Variants in CDH13 observed in about 807,000 individuals in gnomAD.
CDH13 encodes the protein cadherin-13.
CDH13 carries 24 observed loss-of-function variants against 63.8 expected under a neutral mutation model. The observed-to-expected ratio is 0.38, with a 90% confidence interval of 0.27 to 0.53. The LOEUF (loss-of-function observed/expected upper bound fraction) is 0.53, where lower values mean the gene tolerates loss of function less well. CDH13 is among the 20% of genes least tolerant of loss of function. The pLI, the probability that CDH13 is intolerant of heterozygous loss-of-function variation, is 0.85. For synonymous variants in CDH13, 503 were observed against 355.3 expected (o/e 1.42, Z -4.67); for missense variants, 1,049 against 903.1 (o/e 1.16, Z -2.07).
chr16:82,711,153 G>A (rs113024545), intron 1 of CDH13, among the ~76,000 whole-genome samples: 48 of 152,102 alleles, frequency 3.2e-4, no homozygotes, highest in Admixed American at 8.5e-4. Flanking sequence ...TGAAAGGGCC[G>A]CGTGGCAGTG....
rs554723516 is a variant in CDH13, at chr16:83,598,760, C to G, written c.961-3694C>G. ...ACAACAACAACAACAAACTCCATCT[C>G]TACCTCTTAGTCTGTGTTTCCTTCA... On this transcript the variant is annotated intron_variant, in intron 7 of 13. Transcript: ENST00000567109. Among the ~76,000 whole-genome samples, 8 of 152,308 alleles carry G rather than the reference C, an allele frequency of 5.3e-5. No individual in the cohort carries two copies. In the South Asian group the frequency reaches 1.0e-3, roughly 20 times the overall value.
chr16:82,978,515 C>T (rs527321661), intron 2 of CDH13, among the ~76,000 whole-genome samples: 2 of 152,222 alleles, frequency 1.3e-5, no homozygotes, highest in Non-Finnish European at 2.9e-5. Flanking sequence ...AACTTGGTGC[C>T]CTGTGTCCCA....
At chr16:83,173,777 C>T (rs970124684) in intron 4 of CDH13, among the ~76,000 whole-genome samples, 1 of 152,076 alleles carries the variant, frequency 6.6e-6, no homozygotes, top group Admixed American at 6.6e-5. Context: ...CAAACATAAA[C>T]CTGCCCAAAC....
At chr16:83,118,339 G>A (rs2035406202) in intron 3 of CDH13, among the ~76,000 whole-genome samples, 1 of 152,210 alleles carries the variant, frequency 6.6e-6, no homozygotes. Flanking sequence ...ATGCATGTCT[G>A]TTGCATGTAC....
chr16:83,332,273 GT>G (rs1292698142), intron 5 of CDH13, among the ~76,000 whole-genome samples: 2 of 151,940 alleles, frequency 1.3e-5, no homozygotes, highest in African/African-American at 4.8e-5. Context: ...AGCTCTAATG[GT>G]GGCTTAGAAG....
chr16:83,466,131 C>T (rs1368334107), intron 6 of CDH13, among the ~76,000 whole-genome samples: 1 of 152,218 alleles, frequency 6.6e-6, no homozygotes, highest in Non-Finnish European at 1.5e-5. Flanking sequence ...TTCCCCAAGA[C>T]CCATCACCCG....
intron 4 of CDH13, among the ~76,000 whole-genome samples, chr16:83,140,680 C>G (rs986747488): frequency 1.4e-4 from 21 of 152,152 alleles, no homozygotes; most frequent in African/African-American, 4.8e-4. Context: ...GTCTCGAACT[C>G]CTGACCTCAG....
intron 8 of CDH13, among the ~76,000 whole-genome samples, chr16:83,625,171 C>CATGTGT (rs921329095): frequency 1.4e-4 from 21 of 150,882 alleles, no homozygotes; most frequent in Admixed American, 3.3e-4. Flanking sequence ...TGTGTGTGCT[C>CATGTGT]ATGTGTGTGT....
chr16:82,975,330 T>A (rs1453885962), intron 2 of CDH13, among the ~76,000 whole-genome samples: 1 of 152,160 alleles, frequency 6.6e-6, no homozygotes, highest in Non-Finnish European at 1.5e-5. Context: ...CAGGGCTGTG[T>A]GGACTCCATG....
At chr16:83,051,658 A>C (rs775769257) in intron 3 of CDH13, among the ~76,000 whole-genome samples, 6 of 152,352 alleles carry the variant, frequency 3.9e-5, no homozygotes, top group South Asian at 2.1e-4. Flanking sequence ...AAACATGCCA[A>C]GTTCCCACTT....
chr16:82,899,452 A>G (rs1266328548), intron 2 of CDH13, among the ~76,000 whole-genome samples: 1 of 152,214 alleles, frequency 6.6e-6, no homozygotes. Flanking sequence ...CTTAACTTTC[A>G]GAATCCTTAT....
intron 1 of CDH13, among the ~76,000 whole-genome samples, chr16:82,813,738 T>G (rs1329879296): frequency 2.0e-5 from 3 of 152,134 alleles, no homozygotes; most frequent in African/African-American, 7.2e-5. Context: ...AAAACCAAAC[T>G]TTTGAGTTTA....
chr16:83,610,579 T>C (rs544269196), intron 8 of CDH13, among the ~76,000 whole-genome samples: 4 of 152,338 alleles, frequency 2.6e-5, no homozygotes, highest in Middle Eastern at 6.8e-3. Flanking sequence ...TATTTTTACC[T>C]TATTTATATA....
rs976074085 is a variant in CDH13, at chr16:83,192,768, C to T, written c.484-24577C>T. Among the ~76,000 whole-genome samples the T allele has an allele frequency of 5.9e-5, 9 of 152,202 alleles. No homozygotes were observed. In the South Asian group the frequency reaches 6.2e-4, roughly 11 times the overall value. On this transcript the variant is annotated intron_variant, in intron 4 of 13. Transcript: ENST00000567109. ...ATACAGACACTTTATCTTGTGGTGA[C>T]CTGATGCATGCACCAGGCCACTGTT...
intron 3 of CDH13, among the ~76,000 whole-genome samples, chr16:83,093,386 T>G (rs553440281): frequency 7.2e-6 from 1 of 139,230 alleles, no homozygotes; most frequent in South Asian, 2.4e-4. Context: ...TGGCACAGTC[T>G]AGGCTGACTG....
intron 6 of CDH13, among the ~76,000 whole-genome samples, chr16:83,426,731 C>T (rs2048785365): frequency 6.6e-6 from 1 of 151,886 alleles, no homozygotes; most frequent in African/African-American, 2.4e-5. Flanking sequence ...TCCTCATTCT[C>T]CCTAAGCCCT....
rs111276376 is a variant in CDH13, at chr16:83,499,113, A to G, written c.960+12458A>G. On this transcript the variant is annotated intron_variant, in intron 7 of 13. Coordinates refer to ENST00000567109, the MANE Select transcript of CDH13 (RefSeq NM_001257.5). ...TTTTTGTTGGATCTTTGTTTAAAGC[A>G]CCAAATGAAATGGCCAACCAGTGGG... 3.3e-5 allele frequency among the ~76,000 whole-genome samples: 5 copies of G among 152,352 alleles called. 1 individual carries two copies. Among genetic ancestry groups the G allele is most frequent in the African/African-American group, 1.2e-4 (5 of 41,588 alleles).
intron 5 of CDH13, among the ~76,000 whole-genome samples, chr16:83,307,662 A>T (rs1485377525): frequency 6.6e-6 from 1 of 152,194 alleles, no homozygotes; most frequent in Admixed American, 6.5e-5. Context: ...CAGGGGCATG[A>T]TTTAGCTATG....
chr16:83,702,264 A>G (rs1906354001), intron 10 of CDH13, among the ~76,000 whole-genome samples: 1 of 152,080 alleles, frequency 6.6e-6, no homozygotes, highest in Non-Finnish European at 1.5e-5. Context: ...GCTAGTTAGG[A>G]TAAGTAATAA....
Sources: allele counts gnomAD v4.1 joint callset (sites outside exome capture counted in the v4.1 genomes callset), GRCh38; gene constraint gnomAD v4.1.1; transcripts MANE v1.5; gene names NCBI Gene and HGNC (gene_info 2026-07-23, HGNC 2026-07-21).